ABRAXAS2: variants seen among roughly 807,000 people sequenced by gnomAD.
ABRAXAS2 encodes abraxas 2, BRISC complex subunit.
In ABRAXAS2, 23 loss-of-function variants were observed where a neutral mutation model predicts 49.0. The ratio of observed to expected loss-of-function variants is 0.47; its 90% CI spans 0.34 to 0.66. ABRAXAS2 has a LOEUF of 0.66. Ranked by LOEUF, ABRAXAS2 falls within the 30% of genes least tolerant of loss-of-function variation. The pLI, the probability that ABRAXAS2 is intolerant of heterozygous loss-of-function variation, is 0.01. For synonymous variants in ABRAXAS2, 168 were observed against 180.2 expected, an observed-to-expected ratio of 0.93 and a Z score of 0.54; for missense variants, 443 against 511.9, an observed-to-expected ratio of 0.87 and a Z score of 1.30.
At chr10:124,831,840 G>GTATT (rs1564925948) in intron 8 of ABRAXAS2, among the ~76,000 whole-genome samples, 3 of 106,208 alleles carry the variant, frequency 2.8e-5, no homozygotes, top group Non-Finnish European at 1.8e-5. Flanking sequence ...ACTGTGTCCT[G>GTATT]TCTTTTTTTT....
intron 7 of ABRAXAS2, among the ~76,000 whole-genome samples, 168 bp from the exon 8 acceptor site, chr10:124,831,181 A>G (rs548155474): frequency 1.9e-4 from 29 of 152,350 alleles, no homozygotes; most frequent in African/African-American, 6.7e-4. Flanking sequence ...TCAGTGAATA[A>G]TAACAATTCT....
At chr10:124,804,283 A>C (rs1005524270) in intron 1 of ABRAXAS2, among the ~76,000 whole-genome samples, 1 of 152,226 alleles carries the variant, frequency 6.6e-6, no homozygotes, top group African/African-American at 2.4e-5. Flanking sequence ...GATGAAATAC[A>C]GCACACTCAG....
chr10:124,810,747 T>C (rs1349193126), intron 2 of ABRAXAS2, among the ~76,000 whole-genome samples: 1 of 151,512 alleles, frequency 6.6e-6, no homozygotes, highest in Admixed American at 6.6e-5. Flanking sequence ...CACTCCCAGC[T>C]AATTTTTGTA....
chr10:124,806,855 A>G lies in ABRAXAS2; in HGVS notation c.97A>G (p.Arg33Gly), dbSNP rs1370128404. 2 of 1,609,170 alleles carry G rather than the reference A, an allele frequency of 1.2e-6. No individual in the cohort carries two copies. The highest frequency in any genetic ancestry group is 2.2e-5 in the South Asian group (2 of 89,886). Residue 33 changes from arginine (R) to glycine (G), a missense_variant, in exon 2 of 9, where the codon AGA becomes GGA. By Grantham distance (125) the Arg-to-Gly change is moderately radical. This residue lies in a region of ABRAXAS2 where 166 missense variants were observed against 247.3 expected (regional missense o/e 0.67). Transcript: ENST00000298492. ...GGAAGGATTTTTACTGGGAGAGGTA[A>G]GACAAGAGGAAACGTTTAGCATCAG... ...DHEGFLLGEV[R>G]QEETFSISDS... is the part of the protein sequence containing the mutation.
chr10:124,811,737 CA>C (rs1025680526), intron 2 of ABRAXAS2, among the ~76,000 whole-genome samples: 2 of 150,240 alleles, frequency 1.3e-5, no homozygotes, highest in African/African-American at 2.4e-5. Context: ...GACTCCGTCT[CA>C]AAAAAAAAGA....
rs1034403749 is a variant in ABRAXAS2 at position 124,829,320 on chromosome 10, G to T, written c.579-73G>T. ...GCATTTAAACAATAAAGTGGAAGAGGCAGGAAAAATGCCTTTCCATTTCAC... is the reference window on the plus strand; with the variant it reads ...GCATTTAAACAATAAAGTGGAAGAGTCAGGAAAAATGCCTTTCCATTTCAC... On this transcript the variant is annotated intron_variant, in intron 6 of 8. Transcript: ENST00000298492. 5.1e-6 allele frequency: 5 copies of T among 973,692 alleles called. No individual in the cohort carries two copies. In the African/African-American group the frequency reaches 8.0e-5, roughly 16 times the overall value. The allele number at this position is 973,692 out of a possible 1,614,324, so 60.3% of individuals were successfully genotyped here.
chr10:124,815,577 T>C (rs1950819128), intron 2 of ABRAXAS2, among the ~76,000 whole-genome samples: 1 of 152,224 alleles, frequency 6.6e-6, no homozygotes, highest in Non-Finnish European at 1.5e-5. Context: ...TGAGCTGCTC[T>C]CTAGGAGAAT....
chr10:124,824,706 T>C (rs2134169045), intron 4 of ABRAXAS2, among the ~76,000 whole-genome samples: 1 of 152,280 alleles, frequency 6.6e-6, no homozygotes, highest in Middle Eastern at 3.4e-3. Context: ...GTTCAGGTCT[T>C]TGCAGGAAGG....
chr10:124,830,610 A>G (rs1950926720), intron 7 of ABRAXAS2, among the ~76,000 whole-genome samples: 1 of 152,222 alleles, frequency 6.6e-6, no homozygotes, highest in Non-Finnish European at 1.5e-5. Context: ...CTGTGCACCT[A>G]CCAGAATAGG....
chr10:124,835,447 G>GAA lies in ABRAXAS2; in HGVS notation c.*478_*479dup, dbSNP rs1303940861. On this transcript the variant is annotated 3_prime_UTR_variant, in exon 9 of 9. Coordinates refer to ENST00000298492, the MANE Select transcript of ABRAXAS2 (RefSeq NM_032182.4). ...AGCCAAATTCATCTTTGCCAGAAAA[G>GAA]AAATTTTGATAATTCCAAGAAGCCT... 1 of 153,272 alleles carries GAA rather than the reference G, an allele frequency of 6.5e-6. No homozygotes were observed. The highest frequency in any genetic ancestry group is 1.5e-5 in the Non-Finnish European group (1 of 68,600). 9.5% of individuals were successfully genotyped at this position (153,272 alleles called of 1,614,324 possible).
At chr10:124,808,428 A>G (rs1442079507) in intron 2 of ABRAXAS2, among the ~76,000 whole-genome samples, 1 of 152,012 alleles carries the variant, frequency 6.6e-6, no homozygotes, top group Non-Finnish European at 1.5e-5. Flanking sequence ...CGCCCACCTC[A>G]GCCTCCCAAA....
At chr10:124,811,900 C>T (rs1950791635) in intron 2 of ABRAXAS2, among the ~76,000 whole-genome samples, 1 of 152,104 alleles carries the variant, frequency 6.6e-6, no homozygotes. Context: ...GCCTCAGCCT[C>T]CCAAGTAGCT....
chr10:124,833,822 TA>T, intron 8 of ABRAXAS2, among the ~76,000 whole-genome samples: 1 of 152,212 alleles, frequency 6.6e-6, no homozygotes, highest in Non-Finnish European at 1.5e-5. Flanking sequence ...CTATATGGAT[TA>T]TGTGGGTTCT....
intron 2 of ABRAXAS2, among the ~76,000 whole-genome samples, chr10:124,813,467 C>T (rs1340339066): frequency 6.6e-6 from 1 of 152,206 alleles, no homozygotes; most frequent in Non-Finnish European, 1.5e-5. Flanking sequence ...CAGTACCACA[C>T]AGCAGGGATT....
Position 124,817,406 on chromosome 10 carries a change from C to A in ABRAXAS2, c.200+794C>A, listed in dbSNP as rs1392772477. The stretch of plus-strand genomic sequence containing the variant: ...GGTCTCTTACTCACTGGACTTCCCC[C>A]CAAACCACCACCAGGCCTATGCCTT... On this transcript the variant is annotated intron_variant, in intron 3 of 8. Coordinates refer to ENST00000298492, the MANE Select transcript of ABRAXAS2 (RefSeq NM_032182.4). Among the ~76,000 whole-genome samples the A allele has an allele frequency of 2.0e-5, 3 of 152,114 alleles. No individual in the cohort carries two copies. In the South Asian group the frequency reaches 6.2e-4, roughly 32 times the overall value.
rs78905665 is a variant in ABRAXAS2, at chr10:124,802,434, T to C, written c.72+533T>C. Among the ~76,000 whole-genome samples the C allele has an allele frequency of 6.4e-3, 977 of 152,306 alleles. 11 individuals are homozygous for C. The highest frequency in any genetic ancestry group is 0.022 in the African/African-American group (930 of 41,562). ...CTTCGCCCTGATGCAAAATGGAGAA[T>C]GTATACAGGAGCGTTCGGTGCAGGG... On this transcript the variant is annotated intron_variant, in intron 1 of 8. Coordinates refer to ENST00000298492, the MANE Select transcript of ABRAXAS2 (RefSeq NM_032182.4).
rs781444911 is a variant in ABRAXAS2 at position 124,828,798 on chromosome 10, T to C, written c.501T>C (p.Asn167=). 3 of 1,613,746 alleles carry C rather than the reference T, an allele frequency of 1.9e-6. No homozygotes were observed. Among genetic ancestry groups the C allele is most frequent in the Non-Finnish European group, 2.5e-6 (3 of 1,179,716 alleles). ...CACTCGCTATTCCCAATCTAGGAAATACTAGCCAGCAAGAGTACAAAGTGT... is the reference window on the plus strand; with the variant it reads ...CACTCGCTATTCCCAATCTAGGAAACACTAGCCAGCAAGAGTACAAAGTGT... ...RISLAIPNLG[N]TSQQEYKVSS... is the part of the protein sequence containing the mutation. Residue 167 remains asparagine (N), a synonymous_variant, in exon 6 of 9, where the codon AAT becomes AAC. Coordinates refer to ENST00000298492, the MANE Select transcript of ABRAXAS2 (RefSeq NM_032182.4).
intron 8 of ABRAXAS2, among the ~76,000 whole-genome samples, chr10:124,832,947 A>G (rs1950942735): frequency 6.6e-6 from 1 of 151,782 alleles, no homozygotes; most frequent in Non-Finnish European, 1.5e-5. Context: ...GGAGTTCGAG[A>G]CCAGCCTGAC....
At position 124,828,889 on chromosome 10, in the gene ABRAXAS2, T is replaced by C. The variant is rs776342762; in HGVS notation, c.578+14T>C. 1.9e-6 allele frequency: 3 copies of C among 1,610,310 alleles called. No homozygotes were observed. The highest frequency in any genetic ancestry group is 2.5e-6 in the Non-Finnish European group (3 of 1,178,588). ...TAAAGAACATGGGTAAGTTGAAAGG[T>C]AAAGTGCTAGTTTTTTCTTTTGTCA... On this transcript the variant is annotated intron_variant, in intron 6 of 8. Coordinates refer to ENST00000298492, the MANE Select transcript of ABRAXAS2 (RefSeq NM_032182.4).
Sources: gnomAD v4.1 joint callset for allele counts (sites outside exome capture counted in the v4.1 genomes callset) on GRCh38, gnomAD v4.1.1 for gene constraint, gnomAD v4.1.1 regional missense constraint, MANE v1.5 for transcripts, NCBI Gene and HGNC (gene_info 2026-07-23, HGNC 2026-07-21) for gene names.